The following ASCC1 variants were observed in gnomAD, a reference collection of about 807,000 sequenced individuals.
ASCC1 encodes the protein activating signal cointegrator 1 complex subunit 1.
ASCC1 carries 35 observed loss-of-function variants against 46.6 expected under a neutral mutation model. The observed-to-expected ratio is 0.75, with a 90% CI of 0.57 to 0.99. The LOEUF is 0.99. ASCC1 is among the 50% of genes least tolerant of loss of function. The probability of loss-of-function intolerance (pLI) is 0.00; values close to 1 mark genes in which losing one functional copy is unlikely to be tolerated. For synonymous variants in ASCC1, 143 were observed against 146.6 expected, an observed-to-expected ratio of 0.98 and a Z score of 0.18; for missense variants, 376 against 428.7, an observed-to-expected ratio of 0.88 and a Z score of 1.09.
intron 5 of ASCC1, among the ~76,000 whole-genome samples, chr10:72,191,456 T>A (rs1041319933): frequency 6.6e-6 from 1 of 151,760 alleles, no homozygotes; most frequent in Non-Finnish European, 1.5e-5. Flanking sequence ...TACTATGTGG[T>A]ATAATAGGTT....
chr10:72,136,620 C>A (rs1434079577), intron 7 of ASCC1, among the ~76,000 whole-genome samples: 1 of 152,162 alleles, frequency 6.6e-6, no homozygotes, highest in Non-Finnish European at 1.5e-5. Context: ...AAGCTGGCCA[C>A]CCAAGCCAGC....
At chr10:72,145,297 C>T (rs1253426024) in intron 7 of ASCC1, among the ~76,000 whole-genome samples, 2 of 152,162 alleles carry the variant, frequency 1.3e-5, no homozygotes, top group Non-Finnish European at 2.9e-5. Context: ...TTATCTACTG[C>T]TTCTACCTTA....
chr10:72,192,196 C>T (rs1303627265), intron 5 of ASCC1, among the ~76,000 whole-genome samples: 1 of 152,038 alleles, frequency 6.6e-6, no homozygotes, highest in Middle Eastern at 3.2e-3. Context: ...TGGCTCACGC[C>T]TGTAATCCCA....
At chr10:72,184,463 T>C (rs1014894559) in intron 5 of ASCC1, among the ~76,000 whole-genome samples, 1 of 151,998 alleles carries the variant, frequency 6.6e-6, no homozygotes. Flanking sequence ...AGTAAAAGGA[T>C]AGAAATAGAT....
At chr10:72,143,366 TTTGTTG>T (rs1268465086) in intron 7 of ASCC1, among the ~76,000 whole-genome samples, 2 of 151,616 alleles carry the variant, frequency 1.3e-5, no homozygotes, top group South Asian at 4.2e-4. Context: ...AAACTCCCTT[TTTGTTG>T]TTGTTGTTGT....
intron 8 of ASCC1, among the ~76,000 whole-genome samples, chr10:72,130,600 C>G (rs1334036700): frequency 6.6e-6 from 1 of 152,134 alleles, no homozygotes; most frequent in African/African-American, 2.4e-5. Context: ...GTTTTAAGAG[C>G]TCTGAACAAA....
In ASCC1 at chr10:72,159,051, CAGG is replaced by C. The variant is rs1362085118; in HGVS notation, c.626+2484_626+2486del. ...AACAAATGCATGTGATGGGAGAAAT[CAGG>C]AGAAGAAGGTTGGGGAGGCTTGCTT... On this transcript the variant is annotated intron_variant, in intron 6 of 9. Transcript: ENST00000672957. 7.2e-5 allele frequency: 11 copies of C among 152,214 alleles called. 1 individual carries two copies. The East Asian group carries it at 2.1e-3, about 29-fold the overall frequency. The allele number at this position is 152,214 out of a possible 1,614,324, so 9.4% of individuals were successfully genotyped here. A position where few individuals can be genotyped will look rare whatever the true frequency, so the allele number is the denominator to read the frequency against.
Position 72,133,065 on chromosome 10 carries a change from T to A in ASCC1, c.863A>T (p.Asp288Val). ...TTCTCTGGGGGACTTACCATTGGGG[T>A]CTTTCCTGAATAGTGTATTCATAAC... ...ATVMNTLFRK[D>V]PNAEGRYNLY... is the part of the protein sequence containing the mutation. The change falls in exon 8 of 10, where the codon GAC (aspartate) becomes GTC (valine). Residue 288 changes from aspartate to valine, a missense_variant. Physicochemically the swap from Asp to Val is radical, Grantham distance 152 (BLOSUM62 -3). Transcript: ENST00000672957. 1 of 1,614,124 alleles carries A rather than the reference T, an allele frequency of 6.2e-7. No individual in the cohort carries two copies. Among genetic ancestry groups the A allele is most frequent in the Non-Finnish European group, 8.5e-7 (1 of 1,180,002 alleles).
intron 5 of ASCC1, chr10:72,190,071 A>T: frequency 1.3e-6 from 1 of 758,366 alleles, no homozygotes; most frequent in Non-Finnish European, 2.4e-6. Flanking sequence ...CACCCCACCC[A>T]GCCTGATAAA....
intron 9 of ASCC1, among the ~76,000 whole-genome samples, chr10:72,117,629 C>A (rs1843651472): frequency 6.6e-6 from 1 of 152,126 alleles, no homozygotes; most frequent in African/African-American, 2.4e-5. Context: ...TCTAATTGAT[C>A]CTTTTAAATA....
chr10:72,100,723 C>G (rs1470371329), intron 9 of ASCC1, among the ~76,000 whole-genome samples: 1 of 151,876 alleles, frequency 6.6e-6, no homozygotes, highest in Admixed American at 6.6e-5. Context: ...TCTTTTAGTT[C>G]TATCAATTAT....
intron 9 of ASCC1, among the ~76,000 whole-genome samples, chr10:72,125,604 C>T (rs989736665): frequency 1.1e-4 from 17 of 152,166 alleles, no homozygotes; most frequent in Non-Finnish European, 1.9e-4. Context: ...GCATATTTAA[C>T]TGCCTCTGTG....
At chr10:72,159,495 G>C (rs1190426398) in intron 6 of ASCC1, 2 of 152,100 alleles carry the variant, frequency 1.3e-5, no homozygotes, top group East Asian at 1.9e-4. Flanking sequence ...TTTTTTCTTA[G>C]CAGGATTATC....
chr10:72,102,636 A>C (rs1056989020), intron 9 of ASCC1, among the ~76,000 whole-genome samples: 2 of 152,090 alleles, frequency 1.3e-5, no homozygotes, highest in Non-Finnish European at 2.9e-5. Flanking sequence ...CAATTATCAT[A>C]ACAGGAGATT....
At chr10:72,187,248 G>A (rs1419422323) in intron 5 of ASCC1, among the ~76,000 whole-genome samples, 2 of 152,144 alleles carry the variant, frequency 1.3e-5, no homozygotes, top group African/African-American at 4.8e-5. Flanking sequence ...CCACATATAT[G>A]TATTTTCCTC....
intron 5 of ASCC1, among the ~76,000 whole-genome samples, chr10:72,195,696 T>C (rs566495649): frequency 6.6e-6 from 1 of 151,856 alleles, no homozygotes; most frequent in East Asian, 1.9e-4. Context: ...TAGCCGGGTA[T>C]GGTGGCGCAT....
intron 9 of ASCC1, among the ~76,000 whole-genome samples, chr10:72,103,268 G>A (rs1404811160): frequency 6.6e-6 from 1 of 151,676 alleles, no homozygotes; most frequent in African/African-American, 2.4e-5. Context: ...GAGTAGCTGG[G>A]ACTACAGGCG....
At chr10:72,204,322 G>A in intron 3 of ASCC1, 1 of 1,393,344 alleles carries the variant, frequency 7.2e-7, no homozygotes, top group Non-Finnish European at 9.8e-7. Context: ...GCAACAGCGA[G>A]CTACAGCCAA....
At chr10:72,168,206 TAAATA>T (rs1053894407) in intron 5 of ASCC1, among the ~76,000 whole-genome samples, 4 of 151,516 alleles carry the variant, frequency 2.6e-5, no homozygotes, top group African/African-American at 9.7e-5. Flanking sequence ...AATAAATAAA[TAAATA>T]AAATAAAATA....
Sources: gnomAD v4.1 joint callset for allele counts (sites outside exome capture counted in the v4.1 genomes callset) on GRCh38, gnomAD v4.1.1 for gene constraint, MANE v1.5 for transcripts, NCBI Gene and HGNC (gene_info 2026-07-23, HGNC 2026-07-21) for gene names.